Variants in BOD1L1 observed in about 807,000 individuals in gnomAD.
BOD1L1 encodes biorientation of chromosomes in cell division protein 1-like 1.
In BOD1L1, 86 loss-of-function variants were observed where a neutral mutation model predicts 240.7. The observed-to-expected ratio is 0.36, with a 90% CI of 0.30 to 0.43. The LOEUF (loss-of-function observed/expected upper bound fraction) is 0.43. BOD1L1 is among the 20% of genes least tolerant of loss of function. The pLI is 1.00. For missense variants in BOD1L1, 3,554 were observed against 3,643.5 expected (o/e 0.98, Z 0.63); for synonymous variants, 1,268 against 1,272.3 (o/e 1.00, Z 0.07).
rs1717484530 is a variant in BOD1L1 at position 13,627,445 on chromosome 4, G to T, written c.143C>A (p.Ala48Asp). 2 of 1,271,756 alleles carry T rather than the reference G, an allele frequency of 1.6e-6. No homozygotes were observed. Among genetic ancestry groups the T allele is most frequent in the South Asian group, 2.2e-5 (1 of 45,964 alleles). The allele number at this position is 1,271,756 out of a possible 1,614,324, so 78.8% of individuals were successfully genotyped here. A position where few individuals can be genotyped will look rare whatever the true frequency, so the allele number is the denominator to read the frequency against. ...CATGGCCACGAGCTGCGGGTCCCCG[G>T]CGCCCGCACCCGCGCCGCCCGCCCC... ...AGGAGGAGAGAGDPQLVAMIV... is the reference protein window; with the variant it reads ...AGGAGGAGAGDGDPQLVAMIV... The change falls in exon 1 of 26, where the codon GCC (alanine) becomes GAC (aspartate). Residue 48 changes from alanine (A) to aspartate (D), a missense_variant. Physicochemically the swap from Ala to Asp is moderately radical, Grantham distance 126. Around this residue, in one of 2 missense-constraint regions of BOD1L1, gnomAD observed 161 missense variants for 216.4 expected, o/e 0.74. Coordinates refer to ENST00000040738, the MANE Select transcript of BOD1L1 (RefSeq NM_148894.3).
intron 25 of BOD1L1, among the ~76,000 whole-genome samples, chr4:13,574,439 T>C (rs1372642922): frequency 6.6e-6 from 1 of 152,206 alleles, no homozygotes; most frequent in East Asian, 1.9e-4. Context: ...ATAAAGTGCA[T>C]GAAGGAAGAG....
Position 13,570,012 on chromosome 4 carries a change from T to C in BOD1L1, c.9155A>G (p.Ter3052=), listed in dbSNP as rs184156653. 1.9e-6 allele frequency: 3 copies of C among 1,597,414 alleles called. No individual in the cohort carries two copies. In the South Asian group the frequency reaches 3.4e-5, roughly 18 times the overall value. ...AGCCTAGGGCAGCAGTGGTCAGGAT[T>C]ATCGCTTCGCTTTTTTCACAGGGGC... ...EEAPVKKAKR[*] is the part of the protein sequence containing the mutation. Residue 3052 remains the stop codon, a stop_retained_variant, in exon 26 of 26, where the codon TAA becomes TGA. Transcript: ENST00000040738.
Position 13,609,406 on chromosome 4 carries a change from C to T in BOD1L1, c.1492G>A (p.Ala498Thr). 6.7e-7 allele frequency: 1 copy of T among 1,495,180 alleles called. No homozygotes were observed. The highest frequency in any genetic ancestry group is 2.5e-5 in the East Asian group (1 of 40,334). 92.6% of individuals were successfully genotyped at this position (1,495,180 alleles called of 1,614,324 possible). A position where few individuals can be genotyped will look rare whatever the true frequency, so the allele number is the denominator to read the frequency against. Residue 498 changes from alanine (A) to threonine (T), a missense_variant and splice_region_variant, in exon 7 of 26, where the codon GCC becomes ACC. Ala to Thr is a moderately conservative substitution (Grantham distance 58). Coordinates refer to ENST00000040738, the MANE Select transcript of BOD1L1 (RefSeq NM_148894.3). ...LTVEQRRQSI[A>T]KEKEERLLRR... ...AAAAGCCTCTCTTCTTTTTCTTTGGCCTAAAACCACAAAATACCCTAACAG... is the reference window on the plus strand; with the variant it reads ...AAAAGCCTCTCTTCTTTTTCTTTGGTCTAAAACCACAAAATACCCTAACAG...
chr4:13,591,402 T>C (rs1714204945), intron 13 of BOD1L1, among the ~76,000 whole-genome samples: 1 of 152,198 alleles, frequency 6.6e-6, no homozygotes, highest in Non-Finnish European at 1.5e-5. Context: ...GTCTGCACAT[T>C]TGGAAACATT....
chr4:13,582,379 G>T, intron 18 of BOD1L1, 69 bp from the exon 19 acceptor site: 1 of 1,189,024 alleles, frequency 8.4e-7, no homozygotes, highest in Non-Finnish European at 1.2e-6. Context: ...TTACCCAGGT[G>T]ACCTACACAG....
rs1221885038 is a variant in BOD1L1, at chr4:13,613,933, G to A, written c.1174+263C>T. Among the ~76,000 whole-genome samples, 5 of 152,004 alleles carry A rather than the reference G, an allele frequency of 3.3e-5. No homozygotes were observed. Among genetic ancestry groups the A allele is most frequent in the African/African-American group, 1.2e-4 (5 of 41,376 alleles). On this transcript the variant is annotated intron_variant, in intron 4 of 25. Coordinates refer to ENST00000040738, the MANE Select transcript of BOD1L1 (RefSeq NM_148894.3). This position sits in a 1 kb window ranked among gnomAD's most constrained non-coding sequence, Gnocchi z 4.0. ...AATAAAAATTAGGATATCCAACTAT[G>A]AACTAAGTTGCTTAAAATAATGTAT...
intron 14 of BOD1L1, among the ~76,000 whole-genome samples, chr4:13,590,035 GCCTGTCAGAAGTTAA>G (rs1469229048): frequency 6.6e-6 from 1 of 152,168 alleles, no homozygotes; most frequent in African/African-American, 2.4e-5. Flanking sequence ...ATCCTAAACT[GCCTGTCAGAAGTTAA>G]CACATTTCAC....
In BOD1L1 at chr4:13,588,727, T is replaced by C. The variant is rs577494866; in HGVS notation, c.8275A>G (p.Lys2759Glu). Residue 2759 changes from lysine (K) to glutamate (E), a missense_variant, in exon 15 of 26, where the codon AAA (lysine) becomes GAA (glutamate). Around this residue, in one of 2 missense-constraint regions of BOD1L1, gnomAD observed 3,393 missense variants for 3,427.1 expected, o/e 0.99. Transcript: ENST00000040738. The part of the protein sequence containing the change: ...ISGHSVEADP[K>E]EVEEEERHMP... The stretch of plus-strand genomic sequence containing the variant: ...TTGAGTTTATTAAAATGCACCTCTT[T>C]AGGATCTGCTTCAACACTGTGACCG... 3.1e-6 allele frequency: 5 copies of C among 1,599,954 alleles called. No individual in the cohort carries two copies. Among genetic ancestry groups the C allele is most frequent in the African/African-American group, 1.3e-5 (1 of 74,648 alleles).
intron 19 of BOD1L1, 92 bp from the exon 20 acceptor site, chr4:13,581,299 CCTGT>C (rs1223598544): frequency 2.2e-5 from 20 of 919,734 alleles, no homozygotes; most frequent in Middle Eastern, 3.3e-4. Context: ...ATTTAGAGTT[CCTGT>C]CTAAGAGACC....
At position 13,588,897 on chromosome 4, in the gene BOD1L1, T is replaced by C. The variant is rs891787808; in HGVS notation, c.8210-105A>G. 7 of 723,548 alleles carry C rather than the reference T, an allele frequency of 9.7e-6. No individual in the cohort carries two copies. In the African/African-American group the frequency reaches 1.3e-4, roughly 13 times the overall value. The allele number at this position is 723,548 out of a possible 1,614,324, so 44.8% of individuals were successfully genotyped here. A position where few individuals can be genotyped will look rare whatever the true frequency, so the allele number is the denominator to read the frequency against. ...GCTGGGAGAAAACTGAGTTAGTAACTTTATTGAGTACCAGTTATATACAGG... is the reference window on the plus strand; with the variant it reads ...GCTGGGAGAAAACTGAGTTAGTAACCTTATTGAGTACCAGTTATATACAGG... On this transcript the variant is annotated intron_variant, in intron 14 of 25. Coordinates refer to ENST00000040738, the MANE Select transcript of BOD1L1 (RefSeq NM_148894.3).
intron 1 of BOD1L1, among the ~76,000 whole-genome samples, chr4:13,622,939 A>G (rs1717136877): frequency 1.3e-5 from 2 of 151,984 alleles, no homozygotes; most frequent in South Asian, 4.2e-4. Flanking sequence ...AGGCATACCT[A>G]CCTCACCTCT....
chr4:13,576,946 G>A lies in BOD1L1; in HGVS notation c.8930C>T (p.Pro2977Leu). 6.2e-7 allele frequency: 1 copy of A among 1,613,902 alleles called. No individual in the cohort carries two copies. Among genetic ancestry groups the A allele is most frequent in the Non-Finnish European group, 8.5e-7 (1 of 1,179,850 alleles). ...CTCCTGCTCTTTCTTGTCCTCCACT[G>A]GATCAGAAACTGATTTCTGGCGTTT... ...ERKRQKSVSD[P>L]VEDKKEQESD... The change falls in exon 25 of 26, where the codon CCA becomes CTA. Residue 2977 changes from proline to leucine, a missense_variant. Physicochemically the swap from Pro to Leu is moderately conservative, Grantham distance 98. Around this residue, in one of 2 missense-constraint regions of BOD1L1, gnomAD observed 3,393 missense variants for 3,427.1 expected, o/e 0.99. Coordinates refer to ENST00000040738, the MANE Select transcript of BOD1L1 (RefSeq NM_148894.3).
rs1374095020 is a variant in BOD1L1 at position 13,599,920 on chromosome 4, G to A, written c.6980C>T (p.Ala2327Val). 1 of 1,613,534 alleles carries A rather than the reference G, an allele frequency of 6.2e-7. No homozygotes were observed. The highest frequency in any genetic ancestry group is 8.5e-7 in the Non-Finnish European group (1 of 1,179,750). The change falls in exon 10 of 26, where the codon GCT becomes GTT. Residue 2327 changes from alanine (A) to valine (V), a missense_variant. Transcript: ENST00000040738. ...TGCTGTGCTGGTGGAGATGATGGCA[G>A]CATCGCTCAAGTCTTCTACTCTTGT... ...TITRVEDLSD[A>V]AIISTSTAEC...
At chr4:13,596,234 T>C (rs1189147397) in intron 11 of BOD1L1, among the ~76,000 whole-genome samples, 1 of 152,102 alleles carries the variant, frequency 6.6e-6, no homozygotes, top group Non-Finnish European at 1.5e-5. Context: ...CCCACTCCCT[T>C]CCAGGCTCAA....
In BOD1L1 at chr4:13,599,595, G is replaced by C. The variant is rs1714927678; in HGVS notation, c.7305C>G (p.Gly2435=). ...ATGGTCCTATTTCGGGGCACTCCTTGCCATGCTTCTCTTCTTTTTCCGCAC... is the reference window on the plus strand; with the variant it reads ...ATGGTCCTATTTCGGGGCACTCCTTCCCATGCTTCTCTTCTTTTTCCGCAC... ...AVCAEKEEKH[G]KECPEIGPFA... The change falls in exon 10 of 26, where the codon GGC becomes GGG. Residue 2435 remains glycine (G), a synonymous_variant. Transcript: ENST00000040738. 1 of 1,613,890 alleles carries C rather than the reference G, an allele frequency of 6.2e-7. No homozygotes were observed. The highest frequency in any genetic ancestry group is 8.5e-7 in the Non-Finnish European group (1 of 1,179,908).
At chr4:13,580,031 A>G in intron 21 of BOD1L1, 58 bp from the exon 22 acceptor site, 1 of 1,210,100 alleles carries the variant, frequency 8.3e-7, no homozygotes, top group Non-Finnish European at 1.2e-6. Context: ...TAATCATCAC[A>G]TAGAAATGCA....
At chr4:13,625,485 A>G (rs994938541) in intron 1 of BOD1L1, 3 of 152,250 alleles carry the variant, frequency 2.0e-5, no homozygotes, top group Non-Finnish European at 4.4e-5. Context: ...ACACATACCA[A>G]TAACATTTTG....
At chr4:13,598,124 G>A (rs76593246) in intron 10 of BOD1L1, among the ~76,000 whole-genome samples, 146 of 152,246 alleles carry the variant, frequency 9.6e-4, no homozygotes, top group African/African-American at 3.2e-3. Flanking sequence ...CTCCAATCTG[G>A]ACTGGTATAA....
intron 2 of BOD1L1, among the ~76,000 whole-genome samples, chr4:13,616,993 T>A (rs1240178258): frequency 6.6e-6 from 1 of 152,166 alleles, no homozygotes; most frequent in East Asian, 1.9e-4. Flanking sequence ...ACGCCTGTAA[T>A]CCCAGCACTC....
Sources: gnomAD v4.1 joint callset for allele counts (sites outside exome capture counted in the v4.1 genomes callset) on GRCh38, gnomAD v4.1.1 for gene constraint, gnomAD v4.1.1 regional missense constraint, Gnocchi (gnomAD v3.1) non-coding constraint, MANE v1.5 for transcripts, NCBI Gene and HGNC (gene_info 2026-07-23, HGNC 2026-07-21) for gene names.